The following STAT4 variants were observed in gnomAD, a reference collection of about 807,000 sequenced individuals.
STAT4 encodes the protein signal transducer and activator of transcription 4.
A neutral mutation model predicts 110.5 loss-of-function variants in STAT4; 42 were observed. The observed-to-expected ratio is 0.38, with a 90% CI of 0.30 to 0.49. STAT4 has a LOEUF of 0.49. Among genes scored for constraint, STAT4 ranks in the 20% least tolerant of loss-of-function variants. The pLI, the probability that STAT4 is intolerant of heterozygous loss-of-function variation, is 0.95. For missense variants in STAT4, 632 were observed against 887.9 expected (o/e 0.71, Z 3.66); for synonymous variants, 284 against 302.2 (o/e 0.94, Z 0.63).
chr2:191,043,225 A>G lies in STAT4; in HGVS notation c.1252-2077T>C, dbSNP rs1041144733. On this transcript the variant is annotated intron_variant, in intron 14 of 23. Coordinates refer to ENST00000392320, the MANE Select transcript of STAT4 (RefSeq NM_003151.4). This position sits in a 1 kb window ranked among gnomAD's most constrained non-coding sequence, Gnocchi z 4.8. ...ATAATAAAGAACCACTTAAAATATA[A>G]TAAGAGAAATAGACAAGTCAGTAAA... 1.3e-5 allele frequency among the ~76,000 whole-genome samples: 2 copies of G among 152,264 alleles called. No individual in the cohort carries two copies. Among genetic ancestry groups the G allele is most frequent in the East Asian group, 1.9e-4 (1 of 5,206 alleles).
chr2:191,034,115 C>A (rs1695973784), intron 18 of STAT4, 110 bp from the exon 19 acceptor site: 1 of 791,036 alleles, frequency 1.3e-6, no homozygotes. Context: ...CTGGACAACA[C>A]CTTAATTTCT....
chr2:191,150,501 G>T lies in STAT4; in HGVS notation c.-2+446C>A, dbSNP rs1046775730. 4.6e-5 allele frequency among the ~76,000 whole-genome samples: 7 copies of T among 152,196 alleles called. No homozygotes were observed. Among genetic ancestry groups the T allele is most frequent in the African/African-American group, 1.7e-4 (7 of 41,440 alleles). On this transcript the variant is annotated intron_variant, in intron 1 of 23. Transcript: ENST00000392320. This position sits in a 1 kb window ranked among gnomAD's most constrained non-coding sequence, Gnocchi z 6.4. ...TGGCCTGTAGCTTGCAAAAGGAGAT[G>T]ACCTGCCCTAAAATGTCACTCGCGC...
intron 3 of STAT4, among the ~76,000 whole-genome samples, 182 bp from the exon 4 acceptor site, chr2:191,076,507 C>G (rs1574133640): frequency 6.6e-6 from 1 of 152,028 alleles, no homozygotes; most frequent in Admixed American, 6.6e-5. Context: ...AAACGTAGAC[C>G]CCTAAAGAGA....
intron 13 of STAT4, among the ~76,000 whole-genome samples, chr2:191,056,072 C>G (rs1388763501): frequency 1.3e-5 from 2 of 152,186 alleles, no homozygotes; most frequent in Non-Finnish European, 2.9e-5. Flanking sequence ...CTCCTCAATA[C>G]TAAAAACCAA....
rs2125231143 is a variant in STAT4, at chr2:191,062,379, T to C, written c.941+383A>G. Among the ~76,000 whole-genome samples the C allele has an allele frequency of 6.6e-6, 1 of 152,308 alleles. No individual in the cohort carries two copies. Among genetic ancestry groups the C allele is most frequent in the South Asian group, 2.1e-4 (1 of 4,820 alleles). On this transcript the variant is annotated intron_variant, in intron 9 of 23. Transcript: ENST00000392320. This position sits in a 1 kb window ranked among gnomAD's most constrained non-coding sequence, Gnocchi z 4.9. ...CCAAAAATAAATTTCATGACTTTTTTTGGACTAAATATTAGGATTTCTGGT... is the reference window on the plus strand; with the variant it reads ...CCAAAAATAAATTTCATGACTTTTTCTGGACTAAATATTAGGATTTCTGGT...
intron 3 of STAT4, among the ~76,000 whole-genome samples, chr2:191,100,628 C>G (rs574420140): frequency 4.6e-5 from 7 of 152,230 alleles, no homozygotes; most frequent in African/African-American, 1.7e-4. Flanking sequence ...CCTCCAGCTT[C>G]CATCAAAATG....
chr2:191,147,596 C>T lies in STAT4; in HGVS notation c.128+480G>A, dbSNP rs1699490660. 6.6e-6 allele frequency among the ~76,000 whole-genome samples: 1 copy of T among 151,862 alleles called. No homozygotes were observed. The highest frequency in any genetic ancestry group is 1.5e-5 in the Non-Finnish European group (1 of 67,940). On this transcript the variant is annotated intron_variant, in intron 2 of 23. Transcript: ENST00000392320. This position sits in a 1 kb window ranked among gnomAD's most constrained non-coding sequence, Gnocchi z 4.1. ...TGCAGATGGATGGTGGTGATGGTTG[C>T]ATAATAATGTGAATATATGTAATGC...
chr2:191,130,903 G>A (rs2125415160), intron 3 of STAT4, among the ~76,000 whole-genome samples: 1 of 151,498 alleles, frequency 6.6e-6, no homozygotes, highest in East Asian at 1.9e-4. Context: ...ACATATGAAA[G>A]CATACAAAAT....
chr2:191,043,728 T>A lies in STAT4; in HGVS notation c.1252-2580A>T, dbSNP rs1225412089. The stretch of plus-strand genomic sequence containing the variant: ...GGAGAATAGCTAGCTATACTGTGTA[T>A]ATTTATAGAGCAAAAAACTATACAG... On this transcript the variant is annotated intron_variant, in intron 14 of 23. Transcript: ENST00000392320. This position sits in a 1 kb window ranked among gnomAD's most constrained non-coding sequence, Gnocchi z 4.8. 6.6e-6 allele frequency among the ~76,000 whole-genome samples: 1 copy of A among 152,176 alleles called. No homozygotes were observed. The highest frequency in any genetic ancestry group is 1.5e-5 in the Non-Finnish European group (1 of 68,040).
rs1014315636 is a variant in STAT4 at position 191,082,508 on chromosome 2, T to C, written c.274-6183A>G. 2.0e-5 allele frequency among the ~76,000 whole-genome samples: 3 copies of C among 152,260 alleles called. No homozygotes were observed. Among genetic ancestry groups the C allele is most frequent in the Admixed American group, 1.3e-4 (2 of 15,288 alleles). On this transcript the variant is annotated intron_variant, in intron 3 of 23. Transcript: ENST00000392320. This position sits in a 1 kb window ranked among gnomAD's most constrained non-coding sequence, Gnocchi z 4.7. ...TGACAACGATGTTGTGATTGCCACA[T>C]GGCAACAGCAATTAAGAGGTGTTAT...
chr2:191,114,274 A>C (rs1342027462), intron 3 of STAT4, among the ~76,000 whole-genome samples: 2 of 152,198 alleles, frequency 1.3e-5, no homozygotes, highest in East Asian at 3.8e-4. Flanking sequence ...TGAGACCATA[A>C]ATCAATAGAA....
chr2:191,073,844 G>A (rs1028575246), intron 4 of STAT4, among the ~76,000 whole-genome samples: 27 of 152,084 alleles, frequency 1.8e-4, no homozygotes, highest in African/African-American at 6.5e-4. Context: ...CATGTGACTG[G>A]GAGAATATAT....
At position 191,083,624 on chromosome 2, in the gene STAT4, C is replaced by G. The variant is rs1461041157; in HGVS notation, c.274-7299G>C. Among the ~76,000 whole-genome samples, 1 of 152,126 alleles carries G rather than the reference C, an allele frequency of 6.6e-6. No individual in the cohort carries two copies. Among genetic ancestry groups the G allele is most frequent in the East Asian group, 1.9e-4 (1 of 5,182 alleles). On this transcript the variant is annotated intron_variant, in intron 3 of 23. Transcript: ENST00000392320. This position sits in a 1 kb window ranked among gnomAD's most constrained non-coding sequence, Gnocchi z 4.6. The stretch of plus-strand genomic sequence containing the variant: ...GATATGAAGCATTTGTCTCCATTTA[C>G]AGAGTAAAATATTTTCATTCACATT...
chr2:191,062,992 C>G lies in STAT4; in HGVS notation c.783-72G>C, dbSNP rs1696891784. On this transcript the variant is annotated intron_variant, in intron 8 of 23. Coordinates refer to ENST00000392320, the MANE Select transcript of STAT4 (RefSeq NM_003151.4). The surrounding 1 kb of genome is among the most constrained non-coding windows in gnomAD (Gnocchi z 4.9). Reference sequence around the variant, plus strand: ...ATAAAAAAGCATTGTAACAATGGGTCATAGTTAATAAACATTAAATTATTA... The same window carrying G: ...ATAAAAAAGCATTGTAACAATGGGTGATAGTTAATAAACATTAAATTATTA... 1 of 1,258,130 alleles carries G rather than the reference C, an allele frequency of 7.9e-7. No homozygotes were observed. Among genetic ancestry groups the G allele is most frequent in the African/African-American group, 1.5e-5 (1 of 65,976 alleles). 77.9% of individuals were successfully genotyped at this position (1,258,130 alleles called of 1,614,324 possible).
intron 3 of STAT4, among the ~76,000 whole-genome samples, chr2:191,080,514 G>A (rs917841948): frequency 6.6e-6 from 1 of 152,038 alleles, no homozygotes; most frequent in Non-Finnish European, 1.5e-5. Flanking sequence ...TTTTGATGCT[G>A]GCACTTTCTT....
chr2:191,034,194 G>A (rs558240228), intron 18 of STAT4, among the ~76,000 whole-genome samples, 189 bp from the exon 19 acceptor site: 6 of 152,206 alleles, frequency 3.9e-5, no homozygotes, highest in African/African-American at 9.6e-5. Context: ...AGGCCAAGGC[G>A]GGCAGATTAT....
intron 3 of STAT4, among the ~76,000 whole-genome samples, chr2:191,098,087 T>C (rs544633697): frequency 1.3e-5 from 2 of 152,074 alleles, no homozygotes; most frequent in Admixed American, 6.6e-5. Context: ...CAGTTAGAAT[T>C]GCAATCATTA....
chr2:191,044,670 T>A (rs1696297764), intron 14 of STAT4, among the ~76,000 whole-genome samples: 1 of 151,978 alleles, frequency 6.6e-6, no homozygotes, highest in Non-Finnish European at 1.5e-5. Flanking sequence ...AAAAAACAAC[T>A]ACCCCACAAT....
At chr2:191,069,510 C>A (rs1697084839) in intron 6 of STAT4, among the ~76,000 whole-genome samples, 183 bp downstream of exon 6, 1 of 152,002 alleles carries the variant, frequency 6.6e-6, no homozygotes, top group South Asian at 2.1e-4. Context: ...CACAGTTAAA[C>A]ACGCACACAC....
Sources: allele counts gnomAD v4.1 joint callset (sites outside exome capture counted in the v4.1 genomes callset), GRCh38; gene constraint gnomAD v4.1.1; non-coding constraint Gnocchi (gnomAD v3.1); transcripts MANE v1.5; gene names NCBI Gene and HGNC (gene_info 2026-07-23, HGNC 2026-07-21).